OSBPL9: variants seen among roughly 807,000 people sequenced by gnomAD.
OSBPL9 encodes the protein oxysterol binding protein like 9.
Under a neutral mutation model 106.6 loss-of-function variants are expected in OSBPL9, and 40 were observed. That is an observed-to-expected ratio of 0.38 (90% confidence interval 0.29 to 0.49). The LOEUF (loss-of-function observed/expected upper bound fraction) is 0.49. OSBPL9 is among the 20% of genes least tolerant of loss of function. The pLI, the probability that OSBPL9 is intolerant of heterozygous loss-of-function variation, is 0.97. For missense variants in OSBPL9, 609 were observed against 887.2 expected (o/e 0.69, Z 3.98); for synonymous variants, 269 against 295.4 (o/e 0.91, Z 0.92).
intron 1 of OSBPL9, among the ~76,000 whole-genome samples, chr1:51,631,818 G>A (rs1329912497): frequency 6.6e-6 from 1 of 152,118 alleles, no homozygotes; most frequent in East Asian, 1.9e-4. Flanking sequence ...AAAGGCAAGG[G>A]GGCATTGGCT....
intron 3 of OSBPL9, chr1:51,709,104 G>T (rs1341538855): frequency 6.6e-6 from 1 of 152,184 alleles, no homozygotes; most frequent in Non-Finnish European, 1.5e-5. Flanking sequence ...GGACTTACTG[G>T]CCGGAGGCAT....
intron 20 of OSBPL9, chr1:51,785,016 C>T (rs1031000118): frequency 4.8e-5 from 9 of 188,514 alleles, no homozygotes; most frequent in South Asian, 1.1e-4. Context: ...ACATTTTGCA[C>T]GCATCTGGCT....
chr1:51,653,762 C>T lies in OSBPL9; in HGVS notation c.162+1721C>T, dbSNP rs150962804. Among the ~76,000 whole-genome samples, 159 of 152,236 alleles carry T rather than the reference C, an allele frequency of 1.0e-3. 1 individual carries two copies. The highest frequency in any genetic ancestry group is 3.7e-3 in the African/African-American group (154 of 41,528). On this transcript the variant is annotated intron_variant, in intron 2 of 23. Transcript: ENST00000428468. ...GCCTTTAATCCCAACACTGGGAGAC[C>T]GAGCGAGGCAGAGGATCATTTGAGC...
Position 51,714,050 on chromosome 1 carries a change from A to G in OSBPL9, c.289A>G (p.Thr97Ala). Residue 97 changes from threonine to alanine, a missense_variant, in exon 4 of 24, where the codon ACA (threonine) becomes GCA (alanine). This residue lies in a region of OSBPL9 where 72 missense variants were observed against 140.5 expected (regional missense o/e 0.51). Coordinates refer to ENST00000428468, the MANE Select transcript of OSBPL9 (RefSeq NM_024586.6). ...GAAGTGGATCCATGCCTTAGAAGAA[A>G]CAATTCTTCGACATACTCTCCAGCT... ...REKWIHALEE[T>A]ILRHTLQLQG... 1 of 1,610,166 alleles carries G rather than the reference A, an allele frequency of 6.2e-7. No homozygotes were observed. The highest frequency in any genetic ancestry group is 8.5e-7 in the Non-Finnish European group (1 of 1,177,670).
chr1:51,613,641 G>A (rs77536364), upstream of OSBPL9, among the ~76,000 whole-genome samples: 366 of 152,054 alleles, frequency 2.4e-3, 3 homozygotes, highest in African/African-American at 8.6e-3. Context: ...AACAGAAATG[G>A]CTTTGTACCA....
chr1:51,536,450 C>T, the OSBPL9 span, among the ~76,000 whole-genome samples: 3 of 152,042 alleles, frequency 2.0e-5, no homozygotes, highest in African/African-American at 4.8e-5. Context: ...TAGCTAGTAC[C>T]GCAGGCACGC....
chr1:51,626,859 G>C (rs144499695), intron 1 of OSBPL9, among the ~76,000 whole-genome samples: 44 of 152,178 alleles, frequency 2.9e-4, no homozygotes, highest in Non-Finnish European at 2.2e-4. Flanking sequence ...TTGTTCTTCT[G>C]CTGCTGCTTA....
intron 4 of OSBPL9, among the ~76,000 whole-genome samples, chr1:51,717,249 G>A (rs1332012580): frequency 6.6e-6 from 1 of 152,138 alleles, no homozygotes; most frequent in Non-Finnish European, 1.5e-5. Flanking sequence ...TTATAGGCAT[G>A]AGCCACCATT....
At chr1:51,536,031 T>C in the OSBPL9 span, among the ~76,000 whole-genome samples, 2 of 152,218 alleles carry the variant, frequency 1.3e-5, no homozygotes, top group Non-Finnish European at 2.9e-5. Context: ...GCCATTTGAA[T>C]TGCAGTAGTT....
At chr1:51,746,892 T>G (rs1402722804) in intron 6 of OSBPL9, 135 bp downstream of exon 6, 1 of 627,360 alleles carries the variant, frequency 1.6e-6, no homozygotes, top group Non-Finnish European at 2.7e-6. Flanking sequence ...CATATGGACC[T>G]CAAGGGTACT....
At chr1:51,628,684 C>CTTTT (rs909175159) in intron 1 of OSBPL9, among the ~76,000 whole-genome samples, 2 of 134,482 alleles carry the variant, frequency 1.5e-5, no homozygotes, top group African/African-American at 2.8e-5. Context: ...TTCTTTTTTT[C>CTTTT]TTTTTTTTTT....
chr1:51,625,317 A>G (rs1288312720), intron 1 of OSBPL9, among the ~76,000 whole-genome samples: 1 of 152,220 alleles, frequency 6.6e-6, no homozygotes, highest in Non-Finnish European at 1.5e-5. Flanking sequence ...ATGTAATTTA[A>G]TTTATTTTAA....
rs982334296 is a variant in OSBPL9, at chr1:51,784,734, C to T, written c.1829+152C>T. 8 of 895,210 alleles carry T rather than the reference C, an allele frequency of 8.9e-6. No individual in the cohort carries two copies. The African/African-American group carries it at 1.2e-4, about 13-fold the overall frequency. The allele number at this position is 895,210 out of a possible 1,614,324, so 55.5% of individuals were successfully genotyped here. On this transcript the variant is annotated intron_variant, in intron 20 of 23. Transcript: ENST00000428468. ...TATGTGTCATGTCTTTTGCTGAAGT[C>T]CCATATCAGAAGAAGACCTAAAACA...
intron 10 of OSBPL9, among the ~76,000 whole-genome samples, 191 bp from the exon 11 acceptor site, chr1:51,761,676 C>T (rs1571612593): frequency 6.6e-6 from 1 of 152,066 alleles, no homozygotes; most frequent in East Asian, 1.9e-4. Context: ...TATCTTAGTA[C>T]TCTGTAGCCT....
chr1:51,706,814 A>G (rs1178250128), intron 3 of OSBPL9, among the ~76,000 whole-genome samples: 3 of 152,070 alleles, frequency 2.0e-5, no homozygotes, highest in Admixed American at 6.5e-5. Flanking sequence ...TTTCTAGTGC[A>G]GATATTTTTT....
the OSBPL9 span, chr1:51,567,847 G>C: frequency 6.6e-6 from 1 of 152,182 alleles, no homozygotes; most frequent in Non-Finnish European, 1.5e-5. Context: ...TCAGGGCCTG[G>C]AAATTAAACC....
the OSBPL9 span, among the ~76,000 whole-genome samples, chr1:51,546,493 C>T: frequency 6.6e-6 from 1 of 151,768 alleles, no homozygotes; most frequent in Non-Finnish European, 1.5e-5. Flanking sequence ...GTCAGGAGAT[C>T]GAGACCATCC....
At chr1:51,637,513 T>C (rs1645525215) in intron 1 of OSBPL9, among the ~76,000 whole-genome samples, 1 of 152,076 alleles carries the variant, frequency 6.6e-6, no homozygotes, top group African/African-American at 2.4e-5. Flanking sequence ...ATGGGTATGA[T>C]AAAAGAACCA....
chr1:51,740,288 A>G (rs1007341799), intron 4 of OSBPL9: 127 of 1,382,202 alleles, frequency 9.2e-5, no homozygotes, highest in Non-Finnish European at 1.1e-4. Flanking sequence ...TGTCATCTCA[A>G]ATTGCTAATT....
Sources: allele counts gnomAD v4.1 joint callset (sites outside exome capture counted in the v4.1 genomes callset), GRCh38; gene constraint gnomAD v4.1.1; regional missense constraint gnomAD v4.1.1; transcripts MANE v1.5; gene names NCBI Gene and HGNC (gene_info 2026-07-23, HGNC 2026-07-21).